The following PDCD11 variants were observed in gnomAD, a reference collection of about 807,000 sequenced individuals.
The protein encoded by PDCD11 is programmed cell death 11.
PDCD11 carries 97 observed loss-of-function variants against 198.9 expected under a neutral mutation model. The observed-to-expected ratio is 0.49, with a 90% CI of 0.41 to 0.58. The LOEUF is 0.58. Among genes scored for constraint, PDCD11 ranks in the 20% least tolerant of loss-of-function variants. The probability of loss-of-function intolerance (pLI) is 0.00; values close to 1 mark genes in which losing one functional copy is unlikely to be tolerated. For missense variants in PDCD11, 2,102 were observed against 2,312.7 expected (o/e 0.91, Z 1.87); for synonymous variants, 893 against 918.0 (o/e 0.97, Z 0.49).
intron 28 of PDCD11, 80 bp downstream of exon 28, chr10:103,439,948 G>T (rs1592141481): frequency 6.5e-7 from 1 of 1,540,776 alleles, no homozygotes; most frequent in East Asian, 2.2e-5. Flanking sequence ...GAGATTTCAG[G>T]GTGAACTGTA....
chr10:103,424,607 G>A (rs866409816), intron 19 of PDCD11, among the ~76,000 whole-genome samples: 8 of 152,204 alleles, frequency 5.3e-5, no homozygotes, highest in Non-Finnish European at 8.8e-5. Context: ...TGGGGGAGCT[G>A]CAGGACAGAT....
chr10:103,403,211 G>A lies in PDCD11; in HGVS notation c.328G>A (p.Val110Met), dbSNP rs765670093. 7.4e-6 allele frequency: 12 copies of A among 1,614,180 alleles called. No homozygotes were observed. The highest frequency in any genetic ancestry group is 1.0e-5 in the Non-Finnish European group (12 of 1,180,026). The change falls in exon 4 of 36, where the codon GTG becomes ATG. Residue 110 changes from valine to methionine, a missense_variant. Coordinates refer to ENST00000369797, the MANE Select transcript of PDCD11 (RefSeq NM_014976.2). ...ISLPNGLQGFVQVTEICDAYT... is the reference protein window; with the variant it reads ...ISLPNGLQGFMQVTEICDAYT... ...TCTCCCCAATGGCCTCCAGGGCTTT[G>A]TGCAAGTCACTGAAATCTGTGATGC... is the stretch of plus-strand genomic sequence containing the variant.
In PDCD11 at chr10:103,423,588, A is replaced by G. The variant is rs757378664; in HGVS notation, c.2693A>G (p.Asn898Ser). The G allele has an allele frequency of 3.1e-6, 5 of 1,614,040 alleles. No homozygotes were observed. The highest frequency in any genetic ancestry group is 4.2e-6 in the Non-Finnish European group (5 of 1,179,982). ...SGQKKKVVIL[N>S]VDLLKLEVHV... ...CAGAAAAAGAAGGTTGTTATCTTAAATGTTGATCTTTTGAAGTTGGAAGTG... is the reference window on the plus strand; with the variant it reads ...CAGAAAAAGAAGGTTGTTATCTTAAGTGTTGATCTTTTGAAGTTGGAAGTG... The change falls in exon 19 of 36, where the codon AAT (asparagine) becomes AGT (serine). Residue 898 changes from asparagine (N) to serine (S), a missense_variant. Transcript: ENST00000369797.
At chr10:103,426,075 GTC>G (rs2031682566) in intron 20 of PDCD11, among the ~76,000 whole-genome samples, 1 of 152,214 alleles carries the variant, frequency 6.6e-6, no homozygotes, top group Non-Finnish European at 1.5e-5. Flanking sequence ...AGCTACTTAA[GTC>G]CAAATTTTAT....
chr10:103,405,957 A>C, intron 5 of PDCD11, 28 bp from the exon 6 acceptor site: 1 of 1,610,614 alleles, frequency 6.2e-7, no homozygotes, highest in Non-Finnish European at 8.5e-7. Context: ...TTGAATTGGA[A>C]CTTCTGGGAC....
Position 103,416,524 on chromosome 10 carries a change from A to T in PDCD11, c.1552A>T (p.Met518Leu), listed in dbSNP as rs756548933. 5.0e-6 allele frequency: 8 copies of T among 1,614,162 alleles called. No homozygotes were observed. The highest frequency in any genetic ancestry group is 2.2e-5 in the South Asian group (2 of 91,084). Residue 518 changes from methionine to leucine, a missense_variant, in exon 13 of 36, where the codon ATG becomes TTG. Met to Leu is a conservative substitution (Grantham distance 15, BLOSUM62 2). Coordinates refer to ENST00000369797, the MANE Select transcript of PDCD11 (RefSeq NM_014976.2). ...TTGTGACCCTGAAGCCAAGAAGCTG[A>T]TGATGACCCTGAAAAAAACCCTGAT... ...LLCDPEAKKL[M>L]MTLKKTLIES... is the part of the protein sequence containing the mutation.
intron 22 of PDCD11, 151 bp from the exon 23 acceptor site, chr10:103,433,797 G>T: frequency 1.6e-6 from 1 of 632,600 alleles, no homozygotes; most frequent in East Asian, 2.7e-5. Flanking sequence ...AGAAGTGGAG[G>T]TTGGGCAAGG....
intron 31 of PDCD11, 39 bp downstream of exon 31, chr10:103,442,014 C>T (rs377377542): frequency 6.2e-7 from 1 of 1,610,256 alleles, no homozygotes; most frequent in Non-Finnish European, 8.5e-7. Context: ...TTGCAGGGAC[C>T]CCTTGGTGTC....
chr10:103,414,829 A>C (rs1321887939), intron 11 of PDCD11, among the ~76,000 whole-genome samples, 176 bp from the exon 12 acceptor site: 1 of 152,248 alleles, frequency 6.6e-6, no homozygotes, highest in Non-Finnish European at 1.5e-5. Flanking sequence ...AATAAAGCTG[A>C]CAGAATAATC....
Position 103,433,978 on chromosome 10 carries a change from G to C in PDCD11, c.3505G>C (p.Glu1169Gln), listed in dbSNP as rs1207262500. The C allele has an allele frequency of 6.2e-7, 1 of 1,613,876 alleles. No homozygotes were observed. Among genetic ancestry groups the C allele is most frequent in the Non-Finnish European group, 8.5e-7 (1 of 1,179,858 alleles). ...TGTGGTGAAGAAATGGCTTGAGGTG[G>C]AGATTGCCCCAGACATCCGGGGGAG... is the stretch of plus-strand genomic sequence containing the variant. ...YNVVKKWLEV[E>Q]IAPDIRGRIP... is the part of the protein sequence containing the mutation. The change falls in exon 23 of 36, where the codon GAG becomes CAG. Residue 1169 changes from glutamate (E) to glutamine (Q), a missense_variant. Transcript: ENST00000369797.
Position 103,434,932 on chromosome 10 carries a change from T to G in PDCD11, c.3802T>G (p.Ser1268Ala). 1 of 1,598,246 alleles carries G rather than the reference T, an allele frequency of 6.3e-7. No homozygotes were observed. Among genetic ancestry groups the G allele is most frequent in the Non-Finnish European group, 8.5e-7 (1 of 1,172,592 alleles). ...VSIFHMSDSYSETPLEDFVPQ... is the reference protein window; with the variant it reads ...VSIFHMSDSYAETPLEDFVPQ... ...TATATTTCACATGAGTGACTCCTAC[T>G]CCGAGACGCCCCTGGAAGACTTCGT... Residue 1268 changes from serine to alanine, a missense_variant, in exon 25 of 36, where the codon TCC (serine) becomes GCC (alanine). By Grantham distance (99) the Ser-to-Ala change is moderately conservative. Transcript: ENST00000369797.
At chr10:103,426,114 T>C (rs1266490879) in intron 20 of PDCD11, among the ~76,000 whole-genome samples, 1 of 152,202 alleles carries the variant, frequency 6.6e-6, no homozygotes, top group African/African-American at 2.4e-5. Flanking sequence ...GTGAGAGTCA[T>C]GGTAGCGACT....
Position 103,423,112 on chromosome 10 carries a change from G to A in PDCD11, c.2622G>A (p.Leu874=), listed in dbSNP as rs1228780683. 6.3e-7 allele frequency: 1 copy of A among 1,592,576 alleles called. No individual in the cohort carries two copies. Among genetic ancestry groups the A allele is most frequent in the Non-Finnish European group, 8.5e-7 (1 of 1,170,172 alleles). The change falls in exon 18 of 36, where the codon CTG becomes CTA. Residue 874 remains leucine, a synonymous_variant. Coordinates refer to ENST00000369797, the MANE Select transcript of PDCD11 (RefSeq NM_014976.2). ...FSGGPVPDLV[L]KASRYHRAGQ... ...GGGGTCCAGTGCCCGACCTGGTCCT[G>A]AAAGCCAGCAGATACCATCGCGCAG... is the stretch of plus-strand genomic sequence containing the variant.
At chr10:103,443,838 G>T in intron 33 of PDCD11, 77 bp from the exon 34 acceptor site, 4 of 1,449,606 alleles carry the variant, frequency 2.8e-6, no homozygotes, top group Non-Finnish European at 2.9e-6. Context: ...CTAGCTTCTT[G>T]TGAGTGTTGC....
chr10:103,431,704 G>A (rs984618756), intron 21 of PDCD11, among the ~76,000 whole-genome samples: 1 of 152,042 alleles, frequency 6.6e-6, no homozygotes, highest in African/African-American at 2.4e-5. Flanking sequence ...TGGATTTTGA[G>A]TCAGAAGCCC....
chr10:103,397,046 C>T (rs2093439879), intron 1 of PDCD11, among the ~76,000 whole-genome samples: 1 of 152,098 alleles, frequency 6.6e-6, no homozygotes, highest in Admixed American at 6.6e-5. Context: ...TATACCCATC[C>T]CTGATTCCAT....
Position 103,443,303 on chromosome 10 carries a change from T to G in PDCD11, c.5094T>G (p.Ala1698=). Residue 1698 remains alanine (A), a synonymous_variant, in exon 33 of 36, where the codon GCT becomes GCG. Transcript: ENST00000369797. The part of the protein sequence containing the change: ...NEPLKVFLHL[A]DIYAKSEKFQ... ...CTCTCAAAGTCTTTCTCCACCTGGCTGACATCTACGCCAAGTCAGAGAAAT... is the reference window on the plus strand; with the variant it reads ...CTCTCAAAGTCTTTCTCCACCTGGCGGACATCTACGCCAAGTCAGAGAAAT... The G allele has an allele frequency of 6.2e-7, 1 of 1,611,794 alleles. No homozygotes were observed. The highest frequency in any genetic ancestry group is 8.5e-7 in the Non-Finnish European group (1 of 1,178,254).
intron 22 of PDCD11, among the ~76,000 whole-genome samples, chr10:103,432,580 T>C (rs12251449): frequency 0.012 from 1,891 of 152,306 alleles, 27 homozygotes; most frequent in African/African-American, 0.038. Flanking sequence ...TAAAACAACA[T>C]GAAATTGGGT....
In PDCD11 at chr10:103,442,421, G is replaced by A. The variant is rs751521423; in HGVS notation, c.4916G>A (p.Arg1639His). 1.2e-5 allele frequency: 19 copies of A among 1,614,038 alleles called. No homozygotes were observed. The highest frequency in any genetic ancestry group is 8.9e-5 in the East Asian group (4 of 44,900). ...CAGGCCACGGAGATCGAGAAGGCCC[G>A]TGCCGTGGCTGAGAGGGCCCTTAAG... ...HLQATEIEKA[R>H]AVAERALKTI... Residue 1639 changes from arginine to histidine, a missense_variant, in exon 32 of 36, where the codon CGT becomes CAT. Coordinates refer to ENST00000369797, the MANE Select transcript of PDCD11 (RefSeq NM_014976.2).
Sources: gnomAD v4.1 joint callset for allele counts (sites outside exome capture counted in the v4.1 genomes callset) on GRCh38, gnomAD v4.1.1 for gene constraint, MANE v1.5 for transcripts, NCBI Gene and HGNC (gene_info 2026-07-23, HGNC 2026-07-21) for gene names.